The following TRPS1 variants were observed in gnomAD, a reference collection of about 807,000 sequenced individuals.
TRPS1 encodes zinc finger transcription factor Trps1.
TRPS1 carries 6 observed loss-of-function variants against 101.2 expected under a neutral mutation model. That is an observed-to-expected ratio of 0.06 (90% confidence interval 0.03 to 0.12). The LOEUF (loss-of-function observed/expected upper bound fraction) is 0.12. Ranked by LOEUF, TRPS1 falls within the 10% of genes least tolerant of loss-of-function variation. The pLI is 1.00. For missense variants in TRPS1, 1,363 were observed against 1,567.0 expected (o/e 0.87, Z 2.20); for synonymous variants, 578 against 589.8 (o/e 0.98, Z 0.29).
rs114926443 is a variant in TRPS1, at chr8:115,461,149, C to T, written c.2701-42697G>A. Reference sequence around the variant, plus strand: ...ATTGTAGGTAATAATAGTCATCATACAAATGTTATTTATTAAGAACTCTCT... The same window carrying T: ...ATTGTAGGTAATAATAGTCATCATATAAATGTTATTTATTAAGAACTCTCT... On this transcript the variant is annotated intron_variant, in intron 5 of 6. Coordinates refer to ENST00000395715, the MANE Select transcript of TRPS1 (RefSeq NM_014112.5). 1.1e-3 allele frequency among the ~76,000 whole-genome samples: 170 copies of T among 152,170 alleles called. 2 individuals are homozygous for T. Among genetic ancestry groups the T allele is most frequent in the African/African-American group, 3.9e-3 (164 of 41,528 alleles).
At chr8:115,515,104 G>A in intron 5 of TRPS1, 1 of 604,322 alleles carries the variant, frequency 1.7e-6, no homozygotes, top group Non-Finnish European at 3.0e-6. Flanking sequence ...AACTTTCTCA[G>A]GGTCACAGAT....
intron 5 of TRPS1, among the ~76,000 whole-genome samples, chr8:115,459,708 T>C (rs917589863): frequency 5.9e-5 from 9 of 152,308 alleles, no homozygotes; most frequent in Non-Finnish European, 8.8e-5. Context: ...TCTTTTAATG[T>C]AGTTAGTTAC....
In TRPS1 at chr8:115,414,513, A is replaced by G. The variant is rs199951180; in HGVS notation, c.3395T>C (p.Leu1132Pro). 6.2e-7 allele frequency: 1 copy of G among 1,613,844 alleles called. No individual in the cohort carries two copies. Among genetic ancestry groups the G allele is most frequent in the Non-Finnish European group, 8.5e-7 (1 of 1,179,942 alleles). The change falls in exon 7 of 7, where the codon CTC becomes CCC. Residue 1132 changes from leucine to proline, a missense_variant. By Grantham distance (98) the Leu-to-Pro change is moderately conservative. Around this residue, in one of 5 missense-constraint regions of TRPS1, gnomAD observed 307 missense variants for 392.4 expected, o/e 0.78. Coordinates refer to ENST00000395715, the MANE Select transcript of TRPS1 (RefSeq NM_014112.5). The surrounding 1 kb of genome is among the most constrained non-coding windows in gnomAD (Gnocchi z 4.8). The stretch of plus-strand genomic sequence containing the variant: ...GTAGTGCGGATTCCCAGGAACGGAG[A>G]GCTTATATTTACTCCAGAACCGCAG... ...DWLRFWSKYKLSVPGNPHYLS... is the reference protein window; with the variant it reads ...DWLRFWSKYKPSVPGNPHYLS...
In TRPS1 at chr8:115,461,334, T is replaced by TACAC. The variant is rs1342880396; in HGVS notation, c.2701-42883_2701-42882insGTGT. 5.0e-3 allele frequency among the ~76,000 whole-genome samples: 760 copies of TACAC among 151,976 alleles called. 13 individuals are homozygous for TACAC. Among genetic ancestry groups the TACAC allele is most frequent in the African/African-American group, 0.018 (739 of 41,384 alleles). On this transcript the variant is annotated intron_variant, in intron 5 of 6. Coordinates refer to ENST00000395715, the MANE Select transcript of TRPS1 (RefSeq NM_014112.5). ...ATACATACATACATACATACATACA[T>TACAC]ACATACATACCCACACAAGTAGGTA...
rs944755256 is a variant in TRPS1 at position 115,479,088 on chromosome 8, T to A, written c.2701-60636A>T. On this transcript the variant is annotated intron_variant, in intron 5 of 6. Transcript: ENST00000395715. ...GGGGGGAAAAATAATAAATCAGGCA[T>A]AATTTCCTGGCATGCCTTTATGTTT... is the stretch of plus-strand genomic sequence containing the variant. Among the ~76,000 whole-genome samples the A allele has an allele frequency of 4.6e-5, 7 of 151,906 alleles. 1 individual carries two copies. The highest frequency in any genetic ancestry group is 3.3e-4 in the Admixed American group (5 of 15,220).
intron 5 of TRPS1, among the ~76,000 whole-genome samples, chr8:115,492,543 A>G (rs1239444623): frequency 6.6e-6 from 1 of 151,550 alleles, no homozygotes; most frequent in Non-Finnish European, 1.5e-5. Flanking sequence ...AAATAACTCT[A>G]TGGGGTGGGT....
intron 5 of TRPS1, among the ~76,000 whole-genome samples, chr8:115,550,752 A>T (rs1360264821): frequency 2.0e-5 from 3 of 152,080 alleles, no homozygotes; most frequent in Non-Finnish European, 4.4e-5. Context: ...ATCTATAACT[A>T]CCCTGCAAGT....
chr8:115,418,520 C>T lies in TRPS1; in HGVS notation c.2701-68G>A, dbSNP rs1476143698. 4.3e-6 allele frequency: 7 copies of T among 1,610,046 alleles called. No individual in the cohort carries two copies. The highest frequency in any genetic ancestry group is 1.3e-5 in the African/African-American group (1 of 74,792). On this transcript the variant is annotated intron_variant, in intron 5 of 6. Transcript: ENST00000395715. This position sits in a 1 kb window ranked among gnomAD's most constrained non-coding sequence, Gnocchi z 4.3. ...GATCAGTGGAGTTAGACCAAATCAA[C>T]CCAGGAGTTTTGTCTTTAAACTAGC...
At chr8:115,622,348 T>G (rs1818414397) in intron 2 of TRPS1, among the ~76,000 whole-genome samples, 1 of 152,006 alleles carries the variant, frequency 6.6e-6, no homozygotes, top group South Asian at 2.1e-4. Context: ...CGAAGGGCAA[T>G]TTTACTAGTA....
intron 5 of TRPS1, among the ~76,000 whole-genome samples, chr8:115,454,050 C>G (rs1356439352): frequency 6.6e-6 from 1 of 152,158 alleles, no homozygotes; most frequent in Non-Finnish European, 1.5e-5. Context: ...ATCCCCAGGT[C>G]GGCAACTCTA....
intron 5 of TRPS1, among the ~76,000 whole-genome samples, chr8:115,585,447 A>T (rs1817541646): frequency 6.6e-6 from 1 of 152,204 alleles, no homozygotes; most frequent in Non-Finnish European, 1.5e-5. Flanking sequence ...AATTTTAAGT[A>T]GAAAAAGGAA....
chr8:115,446,316 T>A (rs1015638598), intron 5 of TRPS1, among the ~76,000 whole-genome samples: 1 of 142,656 alleles, frequency 7.0e-6, no homozygotes, highest in African/African-American at 2.6e-5. Flanking sequence ...AAAAAAATAT[T>A]TTTTTTTCCT....
intron 5 of TRPS1, among the ~76,000 whole-genome samples, chr8:115,444,614 G>A (rs1368464097): frequency 1.3e-5 from 2 of 152,058 alleles, no homozygotes; most frequent in African/African-American, 4.8e-5. Flanking sequence ...GCTTCTAGAG[G>A]GCAAAGAGCA....
At chr8:115,581,314 G>A (rs1301473808) in intron 5 of TRPS1, among the ~76,000 whole-genome samples, 1 of 152,118 alleles carries the variant, frequency 6.6e-6, no homozygotes, top group Admixed American at 6.6e-5. Context: ...GTTATAGCTA[G>A]ACGGGAGGAG....
chr8:115,534,072 CCCGATACCATCACA>C (rs1816218902), intron 5 of TRPS1, among the ~76,000 whole-genome samples: 1 of 151,970 alleles, frequency 6.6e-6, no homozygotes, highest in Non-Finnish European at 1.5e-5. Flanking sequence ...AAGATCTAAC[CCCGATACCATCACA>C]CTGGAGGCTG....
intron 1 of TRPS1, among the ~76,000 whole-genome samples, chr8:115,642,408 A>G (rs1818922611): frequency 6.6e-6 from 1 of 152,126 alleles, no homozygotes; most frequent in African/African-American, 2.4e-5. Flanking sequence ...AAGATGACAG[A>G]AAATCAGTAT....
chr8:115,480,467 A>C (rs1264124744), intron 5 of TRPS1, among the ~76,000 whole-genome samples: 1 of 152,138 alleles, frequency 6.6e-6, no homozygotes, highest in Non-Finnish European at 1.5e-5. Flanking sequence ...TTATGCACAG[A>C]AGAATAAATG....
intron 1 of TRPS1, among the ~76,000 whole-genome samples, chr8:115,665,977 A>G (rs1000404188): frequency 3.9e-5 from 6 of 152,204 alleles, no homozygotes; most frequent in African/African-American, 7.2e-5. Context: ...AGTGGTAAAT[A>G]ATACTTCGCC....
intron 4 of TRPS1, among the ~76,000 whole-genome samples, chr8:115,588,198 CATT>C (rs1817610302): frequency 1.3e-5 from 2 of 152,020 alleles, no homozygotes; most frequent in South Asian, 2.1e-4. Context: ...AATAATAAAT[CATT>C]ATCAAATTAT....
Sources: gnomAD v4.1 joint callset for allele counts (sites outside exome capture counted in the v4.1 genomes callset) on GRCh38, gnomAD v4.1.1 for gene constraint, gnomAD v4.1.1 regional missense constraint, Gnocchi (gnomAD v3.1) non-coding constraint, MANE v1.5 for transcripts, NCBI Gene and HGNC (gene_info 2026-07-23, HGNC 2026-07-21) for gene names.